FBXL7: variants seen among roughly 807,000 people sequenced by gnomAD.
FBXL7 encodes the protein F-box/LRR-repeat protein 7.
In FBXL7, 12 loss-of-function variants were observed where a neutral mutation model predicts 38.3. The observed-to-expected ratio is 0.31, with a 90% confidence interval of 0.20 to 0.51. The LOEUF (loss-of-function observed/expected upper bound fraction) is 0.51, where lower values mean the gene tolerates loss of function less well. Ranked by LOEUF, FBXL7 falls within the 20% of genes least tolerant of loss-of-function variation. The pLI is 0.98. For missense variants in FBXL7, 567 were observed against 676.4 expected (o/e 0.84, Z 1.79); for synonymous variants, 297 against 300.9 (o/e 0.99, Z 0.13).
intron 2 of FBXL7, among the ~76,000 whole-genome samples, chr5:15,847,369 A>G (rs1025465262): frequency 6.6e-6 from 1 of 152,064 alleles, no homozygotes; most frequent in Non-Finnish European, 1.5e-5. Context: ...TCTCATGAGA[A>G]CTCATCCACT....
At chr5:15,854,874 C>T (rs1334773213) in intron 2 of FBXL7, among the ~76,000 whole-genome samples, 1 of 152,144 alleles carries the variant, frequency 6.6e-6, no homozygotes. Context: ...ATAACAGACT[C>T]AGTCAAACCA....
intron 2 of FBXL7, among the ~76,000 whole-genome samples, chr5:15,832,105 C>G (rs1318556903): frequency 6.6e-6 from 1 of 152,152 alleles, no homozygotes; most frequent in African/African-American, 2.4e-5. Flanking sequence ...AAGTCCCGGA[C>G]CTTTCTAATG....
intron 2 of FBXL7, among the ~76,000 whole-genome samples, chr5:15,825,770 C>A (rs1656710355): frequency 6.6e-6 from 1 of 152,128 alleles, no homozygotes; most frequent in Non-Finnish European, 1.5e-5. Flanking sequence ...ATTTGAAATG[C>A]AACCAGGTAA....
At chr5:15,643,162 C>T (rs1046467287) in intron 2 of FBXL7, among the ~76,000 whole-genome samples, 6 of 152,266 alleles carry the variant, frequency 3.9e-5, no homozygotes, top group East Asian at 3.9e-4. Context: ...AACTCTCTAG[C>T]GACAAGAGTC....
At chr5:15,855,731 T>C (rs1027197750) in intron 2 of FBXL7, among the ~76,000 whole-genome samples, 3 of 152,174 alleles carry the variant, frequency 2.0e-5, no homozygotes, top group Non-Finnish European at 4.4e-5. Context: ...TTATGGAACA[T>C]TTACAGTTTG....
Position 15,678,541 on chromosome 5 carries a change from A to G in FBXL7, c.127+62469A>G, listed in dbSNP as rs187355122. On this transcript the variant is annotated intron_variant, in intron 2 of 3. Coordinates refer to ENST00000504595, the MANE Select transcript of FBXL7 (RefSeq NM_012304.5). ...TGAGAGAAATCAAACTCTTTCTTTG[A>G]TCGCATGATCTTATCACAGTTTGGC... Among the ~76,000 whole-genome samples the G allele has an allele frequency of 1.9e-3, 296 of 152,308 alleles. 2 individuals are homozygous for G. The highest frequency in any genetic ancestry group is 6.3e-3 in the African/African-American group (263 of 41,578).
chr5:15,675,663 C>T (rs990575635), intron 2 of FBXL7, among the ~76,000 whole-genome samples: 1 of 152,186 alleles, frequency 6.6e-6, no homozygotes, highest in Non-Finnish European at 1.5e-5. Flanking sequence ...GGATTAAATA[C>T]CTGCTAATAT....
chr5:15,828,425 T>C, intron 2 of FBXL7, among the ~76,000 whole-genome samples: 1 of 152,184 alleles, frequency 6.6e-6, no homozygotes, highest in East Asian at 1.9e-4. Flanking sequence ...TTTCACTGAG[T>C]GTCTTGTATT....
At chr5:15,899,744 A>G (rs533112766) in intron 2 of FBXL7, among the ~76,000 whole-genome samples, 161 of 152,308 alleles carry the variant, frequency 1.1e-3, no homozygotes, top group Admixed American at 1.3e-3. Flanking sequence ...TAAATCATTA[A>G]TGAGAAGAAA....
At chr5:15,826,203 T>G (rs1738304844) in intron 2 of FBXL7, among the ~76,000 whole-genome samples, 1 of 152,238 alleles carries the variant, frequency 6.6e-6, no homozygotes, top group African/African-American at 2.4e-5. Flanking sequence ...GTCTTTATTT[T>G]CACTCCTTAC....
At chr5:15,920,605 C>T (rs1741714855) in intron 2 of FBXL7, among the ~76,000 whole-genome samples, 2 of 152,070 alleles carry the variant, frequency 1.3e-5, no homozygotes, top group South Asian at 4.2e-4. Context: ...ACTGCAACCT[C>T]CACCTCCTGG....
chr5:15,571,107 A>AG (rs1554006583), intron 1 of FBXL7, among the ~76,000 whole-genome samples: 61 of 148,324 alleles, frequency 4.1e-4, no homozygotes, highest in Admixed American at 1.4e-3. Flanking sequence ...AAAAAAAAAA[A>AG]AAAGAAAAAA....
chr5:15,805,409 T>C (rs538675829), intron 2 of FBXL7, among the ~76,000 whole-genome samples: 3 of 152,212 alleles, frequency 2.0e-5, no homozygotes, highest in South Asian at 2.1e-4. Context: ...ACTCTTTAAA[T>C]TGGGTTAACT....
At chr5:15,753,445 C>A (rs1404695267) in intron 2 of FBXL7, among the ~76,000 whole-genome samples, 2 of 152,134 alleles carry the variant, frequency 1.3e-5, no homozygotes, top group Non-Finnish European at 2.9e-5. Context: ...GAGCATACAT[C>A]AAAGGCTCCA....
At chr5:15,742,696 T>C (rs1436230005) in intron 2 of FBXL7, among the ~76,000 whole-genome samples, 2 of 152,204 alleles carry the variant, frequency 1.3e-5, no homozygotes, top group Non-Finnish European at 2.9e-5. Context: ...TTCAATCTTA[T>C]ATATGCTATT....
intron 2 of FBXL7, among the ~76,000 whole-genome samples, chr5:15,717,846 G>C (rs1192496595): frequency 6.6e-6 from 1 of 152,064 alleles, no homozygotes; most frequent in Non-Finnish European, 1.5e-5. Context: ...TAGAATAAAG[G>C]ATCTTTGATC....
chr5:15,844,873 T>A (rs1443247217), intron 2 of FBXL7, among the ~76,000 whole-genome samples: 5 of 152,134 alleles, frequency 3.3e-5, no homozygotes, highest in Admixed American at 6.5e-5. Context: ...TCCTGCATCC[T>A]CTCCCTAAAA....
At chr5:15,640,697 T>A (rs1741337488) in intron 2 of FBXL7, among the ~76,000 whole-genome samples, 1 of 152,106 alleles carries the variant, frequency 6.6e-6, no homozygotes, top group African/African-American at 2.4e-5. Flanking sequence ...CTAATTTTTG[T>A]GTTTTTAATA....
intron 2 of FBXL7, among the ~76,000 whole-genome samples, chr5:15,668,241 G>A (rs563674792): frequency 3.3e-5 from 5 of 152,204 alleles, no homozygotes; most frequent in Non-Finnish European, 7.4e-5. Flanking sequence ...TGTTCCCTAT[G>A]TCTGTATCTT....
Sources: allele counts gnomAD v4.1 joint callset (sites outside exome capture counted in the v4.1 genomes callset), GRCh38; gene constraint gnomAD v4.1.1; transcripts MANE v1.5; gene names NCBI Gene and HGNC (gene_info 2026-07-23, HGNC 2026-07-21).